Variants in MED12L observed in about 807,000 individuals in gnomAD.
MED12L encodes the protein mediator complex subunit 12L.
MED12L carries 60 observed loss-of-function variants against 281.3 expected under a neutral mutation model. The observed-to-expected ratio is 0.21, with a 90% CI of 0.17 to 0.26. MED12L has a LOEUF of 0.26. Ranked by LOEUF, MED12L falls within the 10% of genes least tolerant of loss-of-function variation. The pLI, the probability that MED12L is intolerant of heterozygous loss-of-function variation, is 1.00. For synonymous variants in MED12L, 974 were observed against 987.2 expected (o/e 0.99, Z 0.25); for missense variants, 2,146 against 2,680.9 (o/e 0.80, Z 4.41).
At chr3:151,341,262 C>T (rs1440651565) in intron 16 of MED12L, among the ~76,000 whole-genome samples, 1 of 151,948 alleles carries the variant, frequency 6.6e-6, no homozygotes, top group East Asian at 1.9e-4. Context: ...TTGATTAACT[C>T]CTTTGTAGGT....
At chr3:151,189,812 A>G (rs1247273808) in intron 13 of MED12L, among the ~76,000 whole-genome samples, 1 of 152,248 alleles carries the variant, frequency 6.6e-6, no homozygotes, top group Non-Finnish European at 1.5e-5. Flanking sequence ...ACAAAACTTT[A>G]GAGTGCAGTG....
chr3:151,292,811 C>T (rs554740643), intron 16 of MED12L, among the ~76,000 whole-genome samples: 43 of 152,218 alleles, frequency 2.8e-4, no homozygotes, highest in Middle Eastern at 3.4e-3. Flanking sequence ...TATATATATA[C>T]GGAAGCTGTA....
chr3:151,299,356 C>CTTTCTTTTTTCT (rs1553772494), intron 16 of MED12L, among the ~76,000 whole-genome samples: 26 of 94,352 alleles, frequency 2.8e-4, no homozygotes, highest in Admixed American at 5.1e-4. Flanking sequence ...TTCCTTCCTT[C>CTTTCTTTTTTCT]TTTCTTTTCT....
chr3:151,373,675 A>G (rs989863154), intron 27 of MED12L, among the ~76,000 whole-genome samples: 1 of 152,046 alleles, frequency 6.6e-6, no homozygotes, highest in Non-Finnish European at 1.5e-5. Flanking sequence ...GGGTTATAAT[A>G]TACTGTACTT....
At chr3:151,357,784 G>T (rs1281427133) in intron 20 of MED12L, among the ~76,000 whole-genome samples, 5 of 152,124 alleles carry the variant, frequency 3.3e-5, no homozygotes, top group Admixed American at 6.5e-5. Context: ...TTAGAAATTT[G>T]GTTCTTCAAT....
intron 40 of MED12L, among the ~76,000 whole-genome samples, chr3:151,410,531 G>T (rs897988671): frequency 6.6e-6 from 1 of 152,182 alleles, no homozygotes; most frequent in Admixed American, 6.5e-5. Context: ...ACCTTAATTA[G>T]CATTGTGTTC....
chr3:151,090,012 T>C (rs1719821714), intron 2 of MED12L, among the ~76,000 whole-genome samples: 1 of 152,146 alleles, frequency 6.6e-6, no homozygotes, highest in Non-Finnish European at 1.5e-5. Flanking sequence ...GGCTTCAGGG[T>C]GACTTCTCTT....
intron 11 of MED12L, among the ~76,000 whole-genome samples, chr3:151,167,218 A>G (rs1409598881): frequency 2.0e-5 from 3 of 152,228 alleles, no homozygotes; most frequent in South Asian, 2.1e-4. Flanking sequence ...AGATTGTTTC[A>G]TGAATGAATT....
intron 5 of MED12L, among the ~76,000 whole-genome samples, chr3:151,154,931 G>A (rs1027334778): frequency 3.3e-5 from 5 of 152,116 alleles, no homozygotes; most frequent in Non-Finnish European, 5.9e-5. Flanking sequence ...TCGTCTTTTC[G>A]CATTGGCTTG....
At chr3:151,206,429 A>C (rs1726365989) in intron 16 of MED12L, among the ~76,000 whole-genome samples, 1 of 151,592 alleles carries the variant, frequency 6.6e-6, no homozygotes. Flanking sequence ...CTTTTTGTTG[A>C]TGTTATTGCG....
intron 2 of MED12L, among the ~76,000 whole-genome samples, chr3:151,107,574 T>C (rs1052904576): frequency 1.3e-5 from 2 of 152,160 alleles, no homozygotes; most frequent in Admixed American, 6.6e-5. Context: ...ATAATGTATT[T>C]CAGGGGGTGG....
At chr3:151,338,764 A>G in intron 16 of MED12L, 1 of 1,613,670 alleles carries the variant, frequency 6.2e-7, no homozygotes, top group Non-Finnish European at 8.5e-7. Flanking sequence ...AGCAGTGGGA[A>G]GAGGACCTGG....
chr3:151,240,301 A>G (rs1733824017), intron 16 of MED12L, among the ~76,000 whole-genome samples: 1 of 152,128 alleles, frequency 6.6e-6, no homozygotes, highest in Non-Finnish European at 1.5e-5. Context: ...CTTACCCTTT[A>G]TTTCTGTGAT....
At chr3:151,222,994 A>G (rs993116387) in intron 16 of MED12L, among the ~76,000 whole-genome samples, 1 of 152,132 alleles carries the variant, frequency 6.6e-6, no homozygotes, top group African/African-American at 2.4e-5. Flanking sequence ...AGAGGTGGCG[A>G]TTGTGATCAT....
chr3:151,232,311 G>A (rs1031487632), intron 16 of MED12L, among the ~76,000 whole-genome samples: 1 of 152,178 alleles, frequency 6.6e-6, no homozygotes, highest in African/African-American at 2.4e-5. Flanking sequence ...TCCCACCAAT[G>A]TGTGGAAGTG....
chr3:151,328,705 A>G (rs761943059), intron 16 of MED12L: 14 of 1,613,924 alleles, frequency 8.7e-6, no homozygotes, highest in Admixed American at 1.7e-5. Flanking sequence ...CCGAAGAAAA[A>G]CGACACACAA....
intron 23 of MED12L, among the ~76,000 whole-genome samples, chr3:151,367,252 C>T (rs1182233625): frequency 6.6e-6 from 1 of 152,148 alleles, no homozygotes; most frequent in Admixed American, 6.6e-5. Flanking sequence ...TGTTTTTCAA[C>T]TAGGGGGAGC....
chr3:151,273,637 T>C (rs981429838), intron 16 of MED12L, among the ~76,000 whole-genome samples: 12 of 152,268 alleles, frequency 7.9e-5, no homozygotes, highest in Middle Eastern at 3.4e-3. Flanking sequence ...CATAGAGTTG[T>C]TAAGTGACTT....
intron 16 of MED12L, among the ~76,000 whole-genome samples, chr3:151,312,231 A>G (rs1747645800): frequency 6.6e-6 from 1 of 152,216 alleles, no homozygotes; most frequent in East Asian, 1.9e-4. Context: ...AGAGTATAGC[A>G]AATCCTCAAA....
Sources: gnomAD v4.1 joint callset for allele counts (sites outside exome capture counted in the v4.1 genomes callset) on GRCh38, gnomAD v4.1.1 for gene constraint, MANE v1.5 for transcripts, NCBI Gene and HGNC (gene_info 2026-07-23, HGNC 2026-07-21) for gene names.